The following SCG3 variants were observed in gnomAD, a reference collection of about 807,000 sequenced individuals.
The protein encoded by SCG3 is secretogranin III, also known as secretogranin-3.
A neutral mutation model predicts 56.2 loss-of-function variants in SCG3; 38 were observed. The observed-to-expected ratio is 0.68, with a 90% CI of 0.52 to 0.89. The LOEUF (loss-of-function observed/expected upper bound fraction) is 0.89, where lower values mean the gene tolerates loss of function less well. SCG3 is among the 40% of genes least tolerant of loss of function. SCG3 has a pLI of 0.00. For missense variants in SCG3, 524 were observed against 540.7 expected, an observed-to-expected ratio of 0.97 and a Z score of 0.31; for synonymous variants, 176 against 184.2, an observed-to-expected ratio of 0.96 and a Z score of 0.36.
chr15:51,713,454 T>C, intron 11 of SCG3, 41 bp downstream of exon 11: 1 of 1,288,066 alleles, frequency 7.8e-7, no homozygotes, highest in Non-Finnish European at 1.1e-6. Flanking sequence ...CTTCACCCAT[T>C]TGTCAGGGGC....
intron 8 of SCG3, 105 bp from the exon 9 acceptor site, chr15:51,699,214 G>A (rs2055323681): frequency 1.3e-6 from 1 of 763,640 alleles, no homozygotes; most frequent in Non-Finnish European, 2.3e-6. Context: ...TTAATATTTT[G>A]GAGTTGCTAT....
chr15:51,689,574 G>A (rs985314814), intron 6 of SCG3, among the ~76,000 whole-genome samples: 1 of 152,058 alleles, frequency 6.6e-6, no homozygotes, highest in Non-Finnish European at 1.5e-5. Flanking sequence ...GGTGGGAGTT[G>A]AGACCAGGAG....
chr15:51,690,700 T>A (rs1413521485), intron 6 of SCG3, among the ~76,000 whole-genome samples: 1 of 151,994 alleles, frequency 6.6e-6, no homozygotes, highest in Non-Finnish European at 1.5e-5. Flanking sequence ...CAGTCTGAGC[T>A]AAAATGGACA....
At chr15:51,713,156 C>A in intron 10 of SCG3, 177 bp from the exon 11 acceptor site, 1 of 432,772 alleles carries the variant, frequency 2.3e-6, no homozygotes, top group East Asian at 5.1e-5. Flanking sequence ...GACCTAAACC[C>A]CTCAACACAC....
intron 10 of SCG3, among the ~76,000 whole-genome samples, chr15:51,705,148 G>A (rs556367849): frequency 6.6e-5 from 10 of 152,194 alleles, no homozygotes; most frequent in African/African-American, 2.4e-4. Flanking sequence ...CAGAAACCCA[G>A]TGTGCCTCAA....
intron 11 of SCG3, among the ~76,000 whole-genome samples, chr15:51,716,328 C>T (rs1298302782): frequency 2.6e-5 from 4 of 152,220 alleles, no homozygotes; most frequent in Non-Finnish European, 4.4e-5. Flanking sequence ...AAGGAATCAT[C>T]GCCTTAGGTG....
Position 51,683,405 on chromosome 15 carries a change from C to T in SCG3, c.368C>T (p.Thr123Ile). ...AAACTGATCGATGATTATGACTCTA[C>T]TAAGAGTGGATTGGATCATAAATTT... ...NRKLIDDYDS[T>I]KSGLDHKFQD... Residue 123 changes from threonine to isoleucine, a missense_variant, in exon 4 of 12, where the codon ACT becomes ATT. Transcript: ENST00000220478. 6.2e-7 allele frequency: 1 copy of T among 1,611,370 alleles called. No individual in the cohort carries two copies. Among genetic ancestry groups the T allele is most frequent in the Non-Finnish European group, 8.5e-7 (1 of 1,178,922 alleles).
chr15:51,695,776 ACCC>A (rs2055299149), intron 7 of SCG3, 96 bp from the exon 8 acceptor site: 3 of 732,140 alleles, frequency 4.1e-6, no homozygotes, highest in Non-Finnish European at 4.6e-6. Flanking sequence ...AAAAAAAAAA[ACCC>A]AAACAAACAA....
At chr15:51,704,250 T>TATATATATATAA (rs2055358110) in intron 10 of SCG3, among the ~76,000 whole-genome samples, 1 of 120,900 alleles carries the variant, frequency 8.3e-6, no homozygotes, top group Non-Finnish European at 1.6e-5. Context: ...CATACATATA[T>TATATATATATAA]ATATATATAT....
intron 4 of SCG3, among the ~76,000 whole-genome samples, chr15:51,684,682 C>A (rs879827023): frequency 6.6e-6 from 1 of 152,248 alleles, no homozygotes; most frequent in Admixed American, 6.5e-5. Context: ...CACACATAAT[C>A]TGATAGAAAC....
At chr15:51,686,709 T>TTGTTTGTTTGTA (rs1668482018) in intron 4 of SCG3, among the ~76,000 whole-genome samples, 2 of 144,076 alleles carry the variant, frequency 1.4e-5, no homozygotes, top group South Asian at 2.1e-4. Context: ...GTTTGTATGT[T>TTGTTTGTTTGTA]TGTTTGTTTG....
Position 51,683,251 on chromosome 15 carries a change from G to A in SCG3, c.214G>A (p.Val72Ile). 6.2e-7 allele frequency: 1 copy of A among 1,613,752 alleles called. No homozygotes were observed. ...GCCAGGTCAGAGCAACTATTCTTTT[G>A]TTGATAACTTGAACCTGCTAAAGGC... ...NKPGQSNYSFVDNLNLLKAIT... is the reference protein window; with the variant it reads ...NKPGQSNYSFIDNLNLLKAIT... The change falls in exon 4 of 12, where the codon GTT becomes ATT. Residue 72 changes from valine to isoleucine, a missense_variant. Coordinates refer to ENST00000220478, the MANE Select transcript of SCG3 (RefSeq NM_013243.4).
chr15:51,689,440 T>C (rs2055252784), intron 6 of SCG3, 72 bp downstream of exon 6: 1 of 1,387,422 alleles, frequency 7.2e-7, no homozygotes, highest in Admixed American at 2.3e-5. Flanking sequence ...TGTACTTCTA[T>C]CTGTATAATA....
intron 10 of SCG3, among the ~76,000 whole-genome samples, chr15:51,709,605 GTC>G (rs1461182267): frequency 4.5e-5 from 5 of 112,034 alleles, no homozygotes; most frequent in Admixed American, 1.0e-4. Flanking sequence ...TAAATTTCAA[GTC>G]TCTCAAATAA....
At chr15:51,696,048 T>G in intron 8 of SCG3, 57 bp downstream of exon 8, 1 of 989,580 alleles carries the variant, frequency 1.0e-6, no homozygotes, top group Non-Finnish European at 1.6e-6. Flanking sequence ...CAAAGTAAAT[T>G]AGGGACTTGG....
chr15:51,715,492 C>A (rs1258605611), intron 11 of SCG3, among the ~76,000 whole-genome samples: 1 of 151,988 alleles, frequency 6.6e-6, no homozygotes, highest in African/African-American at 2.4e-5. Context: ...AATCCCCTTC[C>A]CAAACCCAGG....
Position 51,699,402 on chromosome 15 carries a change from G to C in SCG3, c.1069G>C (p.Ala357Pro), listed in dbSNP as rs1378408863. ...ATDNISKLFP[A>P]PSEKSHEETD... ...TGACAATATAAGCAAGCTTTTCCCA[G>C]GTATGATTATTTAACTATTTTTTTA... Residue 357 changes from alanine (A) to proline (P), a missense_variant and splice_region_variant, in exon 9 of 12, where the codon GCA (alanine) becomes CCA (proline). Coordinates refer to ENST00000220478, the MANE Select transcript of SCG3 (RefSeq NM_013243.4). 2.5e-6 allele frequency: 4 copies of C among 1,584,690 alleles called. No homozygotes were observed. The East Asian group carries it at 9.1e-5, about 36-fold the overall frequency.
intron 10 of SCG3, among the ~76,000 whole-genome samples, chr15:51,706,057 G>A (rs935841527): frequency 5.3e-5 from 8 of 152,146 alleles, no homozygotes; most frequent in African/African-American, 1.9e-4. Context: ...TCCCCAAAAG[G>A]ACATACCGAC....
At chr15:51,690,345 T>C (rs1438879145) in intron 6 of SCG3, among the ~76,000 whole-genome samples, 1 of 152,218 alleles carries the variant, frequency 6.6e-6, no homozygotes, top group Non-Finnish European at 1.5e-5. Context: ...TTTAAAACTT[T>C]AGATGAAACT....
Sources: gnomAD v4.1 joint callset for allele counts (sites outside exome capture counted in the v4.1 genomes callset) on GRCh38, gnomAD v4.1.1 for gene constraint, MANE v1.5 for transcripts, NCBI Gene and HGNC (gene_info 2026-07-23, HGNC 2026-07-21) for gene names.